MPRIP: variants seen among roughly 807,000 people sequenced by gnomAD.
MPRIP encodes the protein myosin phosphatase Rho interacting protein.
In MPRIP, 59 loss-of-function variants were observed where a neutral mutation model predicts 234.9. That is an observed-to-expected ratio of 0.25 (90% CI 0.20 to 0.31). MPRIP has a LOEUF of 0.31. Among genes scored for constraint, MPRIP ranks in the 10% least tolerant of loss-of-function variants. MPRIP has a pLI of 1.00. For missense variants in MPRIP, 2,436 were observed against 3,071.0 expected (o/e 0.79, Z 4.89); for synonymous variants, 1,144 against 1,263.9 (o/e 0.91, Z 2.01).
chr17:17,104,510 C>T (rs1268264623), intron 3 of MPRIP, among the ~76,000 whole-genome samples: 1 of 152,168 alleles, frequency 6.6e-6, no homozygotes, highest in African/African-American at 2.4e-5. Context: ...TCCTTCCTTC[C>T]TCCCGACCAG....
chr17:17,177,149 C>A, intron 21 of MPRIP, 101 bp from the exon 22 acceptor site: 2 of 1,209,274 alleles, frequency 1.7e-6, no homozygotes, highest in South Asian at 1.4e-5. Flanking sequence ...CCGCCCACAG[C>A]AAGCCTCCCT....
chr17:17,180,246 T>G (rs1428599269), intron 23 of MPRIP, 158 bp downstream of exon 23: 1 of 654,404 alleles, frequency 1.5e-6, no homozygotes, highest in East Asian at 2.8e-5. Context: ...CTGGTTCTGG[T>G]GGCTTTGAGC....
At chr17:17,062,510 A>T (rs1018297779) in intron 1 of MPRIP, among the ~76,000 whole-genome samples, 2 of 152,212 alleles carry the variant, frequency 1.3e-5, no homozygotes, top group Admixed American at 1.3e-4. Context: ...TGTGTGCTTC[A>T]TGTTTTTATC....
intron 13 of MPRIP, 104 bp downstream of exon 13, chr17:17,154,519 T>A: frequency 2.3e-6 from 2 of 864,844 alleles, no homozygotes; most frequent in Non-Finnish European, 1.9e-6. Context: ...CTGAGCTCAG[T>A]GCATCCCAGT....
At chr17:17,181,301 T>G (rs1862546985) in intron 23 of MPRIP, among the ~76,000 whole-genome samples, 1 of 151,790 alleles carries the variant, frequency 6.6e-6, no homozygotes, top group African/African-American at 2.4e-5. Context: ...TGAGAATGAG[T>G]AGTTGCCGGC....
chr17:17,168,225 A>G (rs2046048322), intron 16 of MPRIP: 1 of 284,658 alleles, frequency 3.5e-6, no homozygotes, highest in Non-Finnish European at 6.9e-6. Flanking sequence ...TCCTGAGAGC[A>G]GCCCCCAATC....
chr17:17,159,752 C>A (rs1175126446), intron 14 of MPRIP, among the ~76,000 whole-genome samples: 1 of 152,166 alleles, frequency 6.6e-6, no homozygotes, highest in Non-Finnish European at 1.5e-5. Context: ...TTGTAGAACT[C>A]CCTGTTTCAC....
chr17:17,050,455 C>T (rs764007249), intron 1 of MPRIP, among the ~76,000 whole-genome samples: 4 of 152,158 alleles, frequency 2.6e-5, no homozygotes, highest in Non-Finnish European at 5.9e-5. Flanking sequence ...TCAGCTCAGA[C>T]GAGCCACTTT....
At chr17:17,066,598 A>G (rs957973820) in intron 1 of MPRIP, among the ~76,000 whole-genome samples, 5 of 152,086 alleles carry the variant, frequency 3.3e-5, no homozygotes, top group Non-Finnish European at 7.4e-5. Context: ...ATACATTCCA[A>G]CAGCCCCAGT....
At chr17:17,075,377 A>G (rs12601453) in intron 1 of MPRIP, among the ~76,000 whole-genome samples, 4,077 of 151,354 alleles carry the variant, frequency 0.027, 107 homozygotes, top group East Asian at 0.12. Flanking sequence ...ACACACTGAC[A>G]CTCACATATT....
intron 10 of MPRIP, among the ~76,000 whole-genome samples, 160 bp downstream of exon 10, chr17:17,146,252 C>T (rs1189934155): frequency 6.6e-6 from 1 of 152,202 alleles, no homozygotes; most frequent in Non-Finnish European, 1.5e-5. Flanking sequence ...CCCATCTGCT[C>T]CTAGAAGTGC....
intron 3 of MPRIP, among the ~76,000 whole-genome samples, chr17:17,089,701 G>A (rs1026352106): frequency 6.6e-6 from 1 of 152,096 alleles, no homozygotes; most frequent in African/African-American, 2.4e-5. Flanking sequence ...GTGAGAAACG[G>A]GGAAAGGAAG....
chr17:17,046,243 A>T (rs901579244), intron 1 of MPRIP, among the ~76,000 whole-genome samples: 1 of 152,230 alleles, frequency 6.6e-6, no homozygotes, highest in East Asian at 1.9e-4. Flanking sequence ...ACCATTTTGC[A>T]TATTAGGCCT....
chr17:17,142,342 G>A (rs973619507), intron 7 of MPRIP: 9 of 329,470 alleles, frequency 2.7e-5, no homozygotes, highest in Admixed American at 2.3e-4. Context: ...AGAGGCTGCC[G>A]GGTGCCAAGC....
chr17:17,129,828 T>C (rs990374713), intron 4 of MPRIP, among the ~76,000 whole-genome samples: 6 of 152,228 alleles, frequency 3.9e-5, no homozygotes, highest in Non-Finnish European at 7.3e-5. Context: ...AGTGCAGCCT[T>C]CTGCAGGCAC....
chr17:17,052,535 A>T (rs1462811804), intron 1 of MPRIP, among the ~76,000 whole-genome samples: 2 of 152,142 alleles, frequency 1.3e-5, no homozygotes, highest in African/African-American at 4.8e-5. Context: ...GGTCACAGGA[A>T]GTCCAGCACG....
chr17:17,143,595 G>T lies in MPRIP; in HGVS notation c.1429G>T (p.Ala477Ser). Residue 477 changes from alanine to serine, a missense_variant, in exon 9 of 24, where the codon GCC becomes TCC. Physicochemically the swap from Ala to Ser is moderately conservative, Grantham distance 99. Transcript: ENST00000651222. ...NEAPPAPLPDASASPLSPHRR... is the reference protein window; with the variant it reads ...NEAPPAPLPDSSASPLSPHRR... ...AGCCCCCCCAGCTCCTCTCCCAGAC[G>T]CCTCGGCTTCCCCCCTGTCTCCACA... 1 of 1,603,024 alleles carries T rather than the reference G, an allele frequency of 6.2e-7. No homozygotes were observed.
intron 18 of MPRIP, among the ~76,000 whole-genome samples, chr17:17,173,354 G>A (rs2046185827): frequency 6.6e-6 from 1 of 152,254 alleles, no homozygotes; most frequent in African/African-American, 2.4e-5. Context: ...AGCCTTTATA[G>A]CATAGCCGAA....
chr17:17,045,464 A>G (rs2088316913), intron 1 of MPRIP, among the ~76,000 whole-genome samples: 1 of 152,048 alleles, frequency 6.6e-6, no homozygotes, highest in South Asian at 2.1e-4. Flanking sequence ...GAAGATTGAA[A>G]CCCAGAGAAG....
Sources: gnomAD v4.1 joint callset for allele counts (sites outside exome capture counted in the v4.1 genomes callset) on GRCh38, gnomAD v4.1.1 for gene constraint, MANE v1.5 for transcripts, NCBI Gene and HGNC (gene_info 2026-07-23, HGNC 2026-07-21) for gene names.